The following CEP164 variants were observed in gnomAD, a reference collection of about 807,000 sequenced individuals.
CEP164 encodes the protein centrosomal protein of 164 kDa.
A neutral mutation model predicts 182.7 loss-of-function variants in CEP164; 162 were observed. The observed-to-expected ratio is 0.89, with a 90% CI of 0.78 to 1.01. The LOEUF (loss-of-function observed/expected upper bound fraction) is 1.01. CEP164 is among the 50% of genes least tolerant of loss of function. CEP164 has a pLI of 0.00. For missense variants in CEP164, 1,735 were observed against 1,790.4 expected (o/e 0.97, Z 0.56); for synonymous variants, 661 against 690.0 (o/e 0.96, Z 0.66).
chr11:117,335,579 CTTTTTTTT>C lies in CEP164; in HGVS notation c.-97-15_-97-8del, dbSNP rs34483283. The C allele has an allele frequency of 8.8e-6, 1 of 114,192 alleles. No individual in the cohort carries two copies. Among genetic ancestry groups the C allele is most frequent in the African/African-American group, 3.2e-5 (1 of 30,848 alleles). The allele number at this position is 114,192 out of a possible 1,614,324, so 7.1% of individuals were successfully genotyped here. A position where few individuals can be genotyped will look rare whatever the true frequency, so the allele number is the denominator to read the frequency against. On this transcript the variant is annotated intron_variant, in intron 1 of 32. Coordinates refer to ENST00000278935, the MANE Select transcript of CEP164 (RefSeq NM_014956.5). ...ATTTCCTTTCTAGGCCAGATCTTGA[CTTTTTTTT>C]TTTTTTTTTTCAACCAGGAGAAATA...
Position 117,411,956 on chromosome 11 carries a change from G to T in CEP164, c.4286+39G>T. The T allele has an allele frequency of 1.9e-6, 3 of 1,612,798 alleles. 1 individual carries two copies. In the South Asian group the frequency reaches 3.3e-5, roughly 18 times the overall value. On this transcript the variant is annotated intron_variant, in intron 32 of 32. Transcript: ENST00000278935. The surrounding 1 kb of genome is among the most constrained non-coding windows in gnomAD (Gnocchi z 4.4). The stretch of plus-strand genomic sequence containing the variant: ...TGGTTCCCAAACTGGGCTGGGCTGT[G>T]GGGACTGTGCTTGTGCCCTGAGGGG...
chr11:117,371,795 C>CTTTTTTTTTTTTTTTTTTTTTTT, intron 9 of CEP164, among the ~76,000 whole-genome samples: 1 of 138,394 alleles, frequency 7.2e-6, no homozygotes, highest in Non-Finnish European at 1.5e-5. Context: ...CCCTCTTGTA[C>CTTTTTTTTTTTTTTTTTTTTTTT]TTTTTTTTTT....
At chr11:117,356,053 T>C (rs2135536535) in intron 5 of CEP164, 2 of 1,113,972 alleles carry the variant, frequency 1.8e-6, no homozygotes, top group Non-Finnish European at 2.2e-6. Context: ...TGGGCTCTCC[T>C]GTCCTGGATG....
At chr11:117,367,957 C>T (rs1334704826) in intron 8 of CEP164, among the ~76,000 whole-genome samples, 2 of 152,136 alleles carry the variant, frequency 1.3e-5, no homozygotes, top group Non-Finnish European at 2.9e-5. Context: ...CCTATATAAC[C>T]GTGTAAAGTA....
At chr11:117,398,571 G>T (rs554494087) in intron 27 of CEP164, among the ~76,000 whole-genome samples, 2 of 152,022 alleles carry the variant, frequency 1.3e-5, no homozygotes, top group South Asian at 4.1e-4. Context: ...GGGCATCTAG[G>T]TGTTTCCATA....
rs143759586 is a variant in CEP164 at position 117,356,476 on chromosome 11, G to A, written c.393+4488G>A. The A allele has an allele frequency of 4.5e-5, 58 of 1,284,614 alleles. No homozygotes were observed. In the African/African-American group the frequency reaches 7.6e-4, roughly 17 times the overall value. The allele number at this position is 1,284,614 out of a possible 1,614,324, so 79.6% of individuals were successfully genotyped here. The stretch of plus-strand genomic sequence containing the variant: ...AGCTGCTGGAACATCCTCAGGAGGT[G>A]GCCCTCGCCCCTGCTTGGCAAGAGG... On this transcript the variant is annotated intron_variant, in intron 5 of 32. Coordinates refer to ENST00000278935, the MANE Select transcript of CEP164 (RefSeq NM_014956.5).
In CEP164 at chr11:117,396,587, G is replaced by T; in HGVS notation, c.3254G>T (p.Ser1085Ile). 6.2e-7 allele frequency: 1 copy of T among 1,613,822 alleles called. No individual in the cohort carries two copies. The highest frequency in any genetic ancestry group is 1.1e-5 in the South Asian group (1 of 91,074). ...TKEVSSSLSQ[S>I]KEDLYLDSLS... Reference sequence around the variant, plus strand: ...GAGGTGTCTTCTTCTCTCTCCCAGAGCAAGGAGGACTTATACTTGGACAGG... The same window carrying T: ...GAGGTGTCTTCTTCTCTCTCCCAGATCAAGGAGGACTTATACTTGGACAGG... Residue 1085 changes from serine to isoleucine, a missense_variant, in exon 26 of 33, where the codon AGC becomes ATC. Coordinates refer to ENST00000278935, the MANE Select transcript of CEP164 (RefSeq NM_014956.5).
chr11:117,384,712 T>C (rs2043745834), intron 14 of CEP164: 1 of 152,254 alleles, frequency 6.6e-6, no homozygotes, highest in Admixed American at 6.5e-5. Context: ...ATGCCTTCTC[T>C]TCCTTTCCTG....
chr11:117,351,658 T>A, intron 4 of CEP164, 132 bp from the exon 5 acceptor site: 3 of 747,526 alleles, frequency 4.0e-6, no homozygotes, highest in Non-Finnish European at 4.4e-6. Context: ...CATTCCATCT[T>A]CTCCCTCCCT....
intron 27 of CEP164, among the ~76,000 whole-genome samples, chr11:117,398,717 C>T (rs1028440619): frequency 1.3e-5 from 2 of 152,222 alleles, no homozygotes; most frequent in Non-Finnish European, 2.9e-5. Flanking sequence ...CTGTACCTTG[C>T]CCCCTTTTAG....
intron 10 of CEP164, among the ~76,000 whole-genome samples, chr11:117,374,922 C>T (rs2135992817): frequency 6.6e-6 from 1 of 152,314 alleles, no homozygotes; most frequent in African/African-American, 2.4e-5. Flanking sequence ...TTCACTTAGC[C>T]CAGCAGGGAT....
intron 27 of CEP164, among the ~76,000 whole-genome samples, chr11:117,399,427 A>T (rs952186668): frequency 2.0e-5 from 3 of 152,226 alleles, no homozygotes; most frequent in Non-Finnish European, 2.9e-5. Context: ...TATTGTGAAC[A>T]GTGCTGCAAT....
Position 117,373,734 on chromosome 11 carries a change from T to C in CEP164, c.1153-17T>C. On this transcript the variant is annotated splice_polypyrimidine_tract_variant and intron_variant, in intron 9 of 32. Coordinates refer to ENST00000278935, the MANE Select transcript of CEP164 (RefSeq NM_014956.5). The stretch of plus-strand genomic sequence containing the variant: ...TGCTCTGCTCTGAGGGATTTCTCTG[T>C]GGGTCTGTCTCTCCAGGAACTGGAA... 1 of 1,611,206 alleles carries C rather than the reference T, an allele frequency of 6.2e-7. No individual in the cohort carries two copies. The highest frequency in any genetic ancestry group is 8.5e-7 in the Non-Finnish European group (1 of 1,177,360).
chr11:117,361,755 T>C, intron 5 of CEP164, 80 bp from the exon 6 acceptor site: 1 of 1,481,390 alleles, frequency 6.8e-7, no homozygotes, highest in Non-Finnish European at 9.4e-7. Flanking sequence ...GATTTAGATG[T>C]TTTATTTTTA....
chr11:117,379,766 G>T (rs1222097000), intron 11 of CEP164, among the ~76,000 whole-genome samples: 1 of 151,408 alleles, frequency 6.6e-6, no homozygotes, highest in Non-Finnish European at 1.5e-5. Flanking sequence ...CTGTACCTCT[G>T]TGGAAAATAT....
chr11:117,389,065 C>T (rs889104182), intron 15 of CEP164, among the ~76,000 whole-genome samples: 2 of 152,036 alleles, frequency 1.3e-5, no homozygotes, highest in African/African-American at 4.8e-5. Context: ...CCACTGTGCC[C>T]GGCCAAATTT....
At chr11:117,336,291 C>A (rs1464400917) in intron 2 of CEP164, 12 of 1,541,104 alleles carry the variant, frequency 7.8e-6, no homozygotes, top group African/African-American at 1.4e-5. Context: ...TATGAGCTTT[C>A]TTCATTTTAT....
Position 117,371,423 on chromosome 11 carries a change from A to G in CEP164, c.1109A>G (p.Lys370Arg). The G allele has an allele frequency of 6.2e-7, 1 of 1,613,964 alleles. No individual in the cohort carries two copies. The highest frequency in any genetic ancestry group is 2.2e-5 in the East Asian group (1 of 44,888). ...RREEAAKEPKKKASALEEGSS... is the reference protein window; with the variant it reads ...RREEAAKEPKRKASALEEGSS... ...GAAGAGGCAGCCAAGGAGCCAAAGAAGAAGGCTTCTGCTCTGGAAGAGGGC... is the reference window on the plus strand; with the variant it reads ...GAAGAGGCAGCCAAGGAGCCAAAGAGGAAGGCTTCTGCTCTGGAAGAGGGC... The change falls in exon 9 of 33, where the codon AAG becomes AGG. Residue 370 changes from lysine to arginine, a missense_variant. Transcript: ENST00000278935.
In CEP164 at chr11:117,409,054, G is replaced by A; in HGVS notation, c.3748+26G>A. On this transcript the variant is annotated intron_variant, in intron 29 of 32. Transcript: ENST00000278935. This position sits in a 1 kb window ranked among gnomAD's most constrained non-coding sequence, Gnocchi z 4.4. The stretch of plus-strand genomic sequence containing the variant: ...GTGAGTGGGGGAGATGCGGGGTGAG[G>A]ACCATGGTATCCATGGAATGGGAGG... 6.2e-7 allele frequency: 1 copy of A among 1,613,614 alleles called. No homozygotes were observed. Among genetic ancestry groups the A allele is most frequent in the African/African-American group, 1.3e-5 (1 of 75,036 alleles).
Sources: gnomAD v4.1 joint callset for allele counts (sites outside exome capture counted in the v4.1 genomes callset) on GRCh38, gnomAD v4.1.1 for gene constraint, Gnocchi (gnomAD v3.1) non-coding constraint, MANE v1.5 for transcripts, NCBI Gene and HGNC (gene_info 2026-07-23, HGNC 2026-07-21) for gene names.